SIM2: variants seen among roughly 807,000 people sequenced by gnomAD.
The protein encoded by SIM2 is SIM bHLH transcription factor 2.
SIM2 carries 28 observed loss-of-function variants against 64.8 expected under a neutral mutation model. That is an observed-to-expected ratio of 0.43 (90% CI 0.32 to 0.59). The LOEUF is 0.59. Ranked by LOEUF, SIM2 falls within the 20% of genes least tolerant of loss-of-function variation. The probability of loss-of-function intolerance (pLI) is 0.07; values close to 1 mark genes in which losing one functional copy is unlikely to be tolerated. For missense variants in SIM2, 847 were observed against 871.4 expected (o/e 0.97, Z 0.35); for synonymous variants, 408 against 391.1 (o/e 1.04, Z -0.51).
At chr21:36,742,268 A>G (rs1021265690) in intron 8 of SIM2, among the ~76,000 whole-genome samples, 4 of 152,108 alleles carry the variant, frequency 2.6e-5, no homozygotes, top group African/African-American at 9.7e-5. Context: ...AGGTCATCTT[A>G]GATGCTCCTG....
chr21:36,699,927 G>A lies in SIM2; in HGVS notation c.175+6G>A, dbSNP rs200569203. ...GCGCGCCGTCTTCCCCGAAGGTGAG[G>A]CCTCAGGTGGGCGGCCGGGGACGCT... On this transcript the variant is annotated splice_donor_region_variant and intron_variant, in intron 1 of 10. Transcript: ENST00000290399. The surrounding 1 kb of genome is among the most constrained non-coding windows in gnomAD (Gnocchi z 5.6). 5.0e-5 allele frequency: 80 copies of A among 1,592,428 alleles called. No homozygotes were observed. The East Asian group carries it at 1.7e-3, about 34-fold the overall frequency.
chr21:36,707,296 G>A (rs1568924596), intron 1 of SIM2, among the ~76,000 whole-genome samples: 2 of 152,234 alleles, frequency 1.3e-5, no homozygotes, highest in Non-Finnish European at 2.9e-5. Context: ...ATTGCTAACA[G>A]TTGTAAATGC....
intron 7 of SIM2, among the ~76,000 whole-genome samples, chr21:36,735,204 C>T (rs1229264884): frequency 6.6e-6 from 1 of 152,108 alleles, no homozygotes; most frequent in East Asian, 1.9e-4. Context: ...CCTGGCTTAC[C>T]CCCAACATGG....
intron 6 of SIM2, among the ~76,000 whole-genome samples, chr21:36,728,569 T>C (rs932814134): frequency 1.3e-5 from 2 of 152,232 alleles, no homozygotes; most frequent in Non-Finnish European, 2.9e-5. Context: ...TCTCTGGTTG[T>C]TCCTGCCATA....
intron 7 of SIM2, among the ~76,000 whole-genome samples, chr21:36,735,038 G>A (rs1421397983): frequency 2.6e-5 from 4 of 152,200 alleles, no homozygotes; most frequent in South Asian, 2.1e-4. Flanking sequence ...CACAAAGGGT[G>A]TTGTCCACTG....
chr21:36,700,606 A>G (rs1193584196), intron 1 of SIM2, among the ~76,000 whole-genome samples: 3 of 151,744 alleles, frequency 2.0e-5, no homozygotes, highest in Admixed American at 1.3e-4. Context: ...GAGGTGAAGG[A>G]GGGTCAGCTT....
At chr21:36,724,315 G>T (rs1390807536) in intron 5 of SIM2, among the ~76,000 whole-genome samples, 1 of 152,230 alleles carries the variant, frequency 6.6e-6, no homozygotes, top group East Asian at 1.9e-4. Context: ...GTCTTGCTCT[G>T]TCACCCAGGC....
At position 36,699,665 on chromosome 21, in the gene SIM2, C is replaced by T; in HGVS notation, c.-82C>T. The T allele has an allele frequency of 4.0e-6, 6 of 1,503,814 alleles. No individual in the cohort carries two copies. The highest frequency in any genetic ancestry group is 5.4e-6 in the Non-Finnish European group (6 of 1,117,588). 93.2% of individuals were successfully genotyped at this position (1,503,814 alleles called of 1,614,324 possible). A position where few individuals can be genotyped will look rare whatever the true frequency, so the allele number is the denominator to read the frequency against. On this transcript the variant is annotated 5_prime_UTR_variant, in exon 1 of 11. Coordinates refer to ENST00000290399, the MANE Select transcript of SIM2 (RefSeq NM_005069.6). The surrounding 1 kb of genome is among the most constrained non-coding windows in gnomAD (Gnocchi z 5.6). The stretch of plus-strand genomic sequence containing the variant: ...TCACCTGGCTCCCGGCTCCCCCTTC[C>T]CCATCCCCGCCGCCGCAGCCCGAGC...
chr21:36,706,931 C>T (rs1356692185), intron 1 of SIM2, among the ~76,000 whole-genome samples: 1 of 152,216 alleles, frequency 6.6e-6, no homozygotes, highest in Non-Finnish European at 1.5e-5. Flanking sequence ...AGAAAATTGT[C>T]CTGTGTGCCC....
rs368465702 is a variant in SIM2 at position 36,705,767 on chromosome 21, A to G, written c.176-3401A>G. Among the ~76,000 whole-genome samples, 12 of 152,318 alleles carry G rather than the reference A, an allele frequency of 7.9e-5. 1 individual carries two copies. Among genetic ancestry groups the G allele is most frequent in the East Asian group, 3.9e-4 (2 of 5,180 alleles). ...CGATTTTCCATGGAGGGCTGGGGTT[A>G]GGGACTGGCACCTTCTTGTTGTTAA... On this transcript the variant is annotated intron_variant, in intron 1 of 10. Transcript: ENST00000290399.
chr21:36,728,155 G>T (rs1171089102), intron 6 of SIM2, among the ~76,000 whole-genome samples: 1 of 152,232 alleles, frequency 6.6e-6, no homozygotes, highest in African/African-American at 2.4e-5. Context: ...CCTCTTTTCT[G>T]ACTTGGGAGC....
chr21:36,703,314 C>T (rs1470823642), intron 1 of SIM2, among the ~76,000 whole-genome samples: 3 of 152,170 alleles, frequency 2.0e-5, no homozygotes, highest in Admixed American at 2.0e-4. Flanking sequence ...TTTGAGGCCC[C>T]ATTGTCATGC....
Position 36,745,171 on chromosome 21 carries a change from A to G in SIM2, c.1576+35A>G. The G allele has an allele frequency of 1.3e-6, 2 of 1,585,486 alleles. No individual in the cohort carries two copies. The highest frequency in any genetic ancestry group is 1.7e-4 in the Middle Eastern group (1 of 6,026). On this transcript the variant is annotated intron_variant, in intron 10 of 10. Transcript: ENST00000290399. This position sits in a 1 kb window ranked among gnomAD's most constrained non-coding sequence, Gnocchi z 4.8. ...GTCTGCTCGTGGGGAAGGTGGGAGG[A>G]CTGCGCACGGCCGGGAGCCGAAGCA...
At chr21:36,712,765 T>C in intron 3 of SIM2, 143 bp downstream of exon 3, 1 of 598,756 alleles carries the variant, frequency 1.7e-6, no homozygotes, top group Non-Finnish European at 3.0e-6. Context: ...AAAATCCTCT[T>C]CTCAGGACAT....
rs1457136652 is a variant in SIM2, at chr21:36,745,892, T to G, written c.1576+756T>G. The stretch of plus-strand genomic sequence containing the variant: ...CCAACCCCAGGCAGAAGGTGGAAGG[T>G]GGGAACAGAGGTTTAGCTGCAGGAC... On this transcript the variant is annotated intron_variant, in intron 10 of 10. Transcript: ENST00000290399. This position sits in a 1 kb window ranked among gnomAD's most constrained non-coding sequence, Gnocchi z 4.8. 1 of 1,298,928 alleles carries G rather than the reference T, an allele frequency of 7.7e-7. No individual in the cohort carries two copies. 80.5% of individuals were successfully genotyped at this position (1,298,928 alleles called of 1,614,324 possible).
chr21:36,703,895 G>A (rs2088541597), intron 1 of SIM2, among the ~76,000 whole-genome samples: 1 of 152,238 alleles, frequency 6.6e-6, no homozygotes, highest in Non-Finnish European at 1.5e-5. Flanking sequence ...CCCATCGGAG[G>A]TCAGAGGCAG....
At chr21:36,708,429 C>T (rs2088620118) in intron 1 of SIM2, among the ~76,000 whole-genome samples, 1 of 152,180 alleles carries the variant, frequency 6.6e-6, no homozygotes, top group African/African-American at 2.4e-5. Context: ...GCCTGTTGAG[C>T]GGAGGAGTCC....
rs2089216856 is a variant in SIM2 at position 36,745,327 on chromosome 21, G to C, written c.1576+191G>C. 6.9e-7 allele frequency: 1 copy of C among 1,442,820 alleles called. No homozygotes were observed. The highest frequency in any genetic ancestry group is 9.1e-7 in the Non-Finnish European group (1 of 1,093,656). The allele number at this position is 1,442,820 out of a possible 1,614,324, so 89.4% of individuals were successfully genotyped here. ...CAGGTGCTCCTCGAGAGTGAGAAAT[G>C]GCAGTCTGCCTGCCTCGGGGACACT... On this transcript the variant is annotated intron_variant, in intron 10 of 10. Coordinates refer to ENST00000290399, the MANE Select transcript of SIM2 (RefSeq NM_005069.6). This position sits in a 1 kb window ranked among gnomAD's most constrained non-coding sequence, Gnocchi z 4.8.
chr21:36,745,382 G>A lies in SIM2; in HGVS notation c.1576+246G>A, dbSNP rs1205834048. On this transcript the variant is annotated intron_variant, in intron 10 of 10. Coordinates refer to ENST00000290399, the MANE Select transcript of SIM2 (RefSeq NM_005069.6). This position sits in a 1 kb window ranked among gnomAD's most constrained non-coding sequence, Gnocchi z 4.8. ...ACAGTATAAAGGGCAAAGGAAAACC[G>A]AGTATCTGGCCTTCACGTAAATCCT... The A allele has an allele frequency of 1.9e-5, 26 of 1,381,326 alleles. No homozygotes were observed. The highest frequency in any genetic ancestry group is 1.1e-4 in the South Asian group (7 of 61,364). The allele number at this position is 1,381,326 out of a possible 1,614,324, so 85.6% of individuals were successfully genotyped here. A position where few individuals can be genotyped will look rare whatever the true frequency, so the allele number is the denominator to read the frequency against.
Sources: allele counts gnomAD v4.1 joint callset (sites outside exome capture counted in the v4.1 genomes callset), GRCh38; gene constraint gnomAD v4.1.1; non-coding constraint Gnocchi (gnomAD v3.1); transcripts MANE v1.5; gene names NCBI Gene and HGNC (gene_info 2026-07-23, HGNC 2026-07-21).